ITPR1: variants seen among roughly 807,000 people sequenced by gnomAD.
ITPR1 encodes the protein inositol 1,4,5-trisphosphate-gated calcium channel ITPR1.
Under a neutral mutation model 318.4 loss-of-function variants are expected in ITPR1, and 96 were observed. The ratio of observed to expected loss-of-function variants is 0.30; its 90% confidence interval spans 0.26 to 0.36. The LOEUF is 0.36. Ranked by LOEUF, ITPR1 falls within the 10% of genes least tolerant of loss-of-function variation. The probability of loss-of-function intolerance (pLI) is 1.00; values close to 1 mark genes in which losing one functional copy is unlikely to be tolerated. For missense variants in ITPR1, 2,440 were observed against 3,460.2 expected, an observed-to-expected ratio of 0.71 and a Z score of 7.40; for synonymous variants, 1,312 against 1,289.9, an observed-to-expected ratio of 1.02 and a Z score of -0.37.
intron 12 of ITPR1, 52 bp from the exon 13 acceptor site, chr3:4,658,072 A>T: frequency 6.6e-7 from 1 of 1,516,484 alleles, no homozygotes; most frequent in Non-Finnish European, 9.0e-7. Context: ...AATTGTAGAA[A>T]GTGAAGGCTT....
intron 5 of ITPR1, 62 bp downstream of exon 5, chr3:4,627,940 G>A: frequency 1.0e-6 from 1 of 984,082 alleles, no homozygotes; most frequent in Non-Finnish European, 1.5e-6. Flanking sequence ...GTGGTATCTG[G>A]GTGTAATGGT....
At chr3:4,795,661 G>T (rs987748157) in intron 53 of ITPR1, among the ~76,000 whole-genome samples, 1 of 152,078 alleles carries the variant, frequency 6.6e-6, no homozygotes, top group Non-Finnish European at 1.5e-5. Context: ...TTTGCCAGGG[G>T]TCAGAGGGGA....
intron 49 of ITPR1, among the ~76,000 whole-genome samples, chr3:4,780,308 A>G (rs1490230459): frequency 6.6e-6 from 1 of 152,058 alleles, no homozygotes; most frequent in East Asian, 1.9e-4. Context: ...TGAAGAATTC[A>G]TGTCTCTTCT....
chr3:4,578,996 A>G (rs553244869), intron 4 of ITPR1, among the ~76,000 whole-genome samples: 3 of 152,268 alleles, frequency 2.0e-5, no homozygotes, highest in East Asian at 3.9e-4. Flanking sequence ...CCATTGACCC[A>G]TGTGATATTG....
Position 4,779,789 on chromosome 3 carries a change from C to A in ITPR1, c.6387+144C>A. 1 of 518,872 alleles carries A rather than the reference C, an allele frequency of 1.9e-6. No homozygotes were observed. Among genetic ancestry groups the A allele is most frequent in the Non-Finnish European group, 3.5e-6 (1 of 284,408 alleles). The allele number at this position is 518,872 out of a possible 1,614,324, so 32.1% of individuals were successfully genotyped here. A position where few individuals can be genotyped will look rare whatever the true frequency, so the allele number is the denominator to read the frequency against. ...GGGAACATTGAATTCAGGCCTCTGA[C>A]TGAGTAGAGAAGTGAAATATTTTGG... On this transcript the variant is annotated intron_variant, in intron 49 of 61. Transcript: ENST00000649015. The surrounding 1 kb of genome is among the most constrained non-coding windows in gnomAD (Gnocchi z 4.0).
chr3:4,772,009 G>C (rs767314754), intron 46 of ITPR1, among the ~76,000 whole-genome samples: 4 of 152,234 alleles, frequency 2.6e-5, no homozygotes, highest in Admixed American at 6.5e-5. Context: ...ATCTGGACCA[G>C]TGGTTCACAA....
At chr3:4,539,697 G>A (rs1575461098) in intron 4 of ITPR1, among the ~76,000 whole-genome samples, 1 of 152,204 alleles carries the variant, frequency 6.6e-6, no homozygotes, top group East Asian at 1.9e-4. Context: ...TGGATTTAAT[G>A]GGTTAATGGA....
intron 4 of ITPR1, among the ~76,000 whole-genome samples, chr3:4,564,163 G>T (rs2086976183): frequency 6.6e-6 from 1 of 152,022 alleles, no homozygotes; most frequent in Non-Finnish European, 1.5e-5. Context: ...CTGGTCTCGA[G>T]CTCCTGACCT....
rs140839540 is a variant in ITPR1 at position 4,603,402 on chromosome 3, ATTTTC to A, written c.164-24346_164-24342del. ...TCACTCCCTGGTCCATATGTACCAC[ATTTTC>A]TTTTCTTTTCTTTTTTATTTTTGGT... On this transcript the variant is annotated intron_variant, in intron 4 of 61. Transcript: ENST00000649015. Among the ~76,000 whole-genome samples, 5 of 151,542 alleles carry A rather than the reference ATTTTC, an allele frequency of 3.3e-5. No homozygotes were observed. The East Asian group carries it at 9.8e-4, about 30-fold the overall frequency.
chr3:4,722,074 C>T (rs973704897), intron 40 of ITPR1, among the ~76,000 whole-genome samples: 6 of 152,174 alleles, frequency 3.9e-5, no homozygotes. Flanking sequence ...TAATGAGGGC[C>T]TGATTCGTGG....
chr3:4,776,428 G>A (rs532270707), intron 47 of ITPR1, among the ~76,000 whole-genome samples: 11 of 152,266 alleles, frequency 7.2e-5, no homozygotes, highest in African/African-American at 2.4e-4. Flanking sequence ...GACGACCAAG[G>A]CTTCAAATGG....
rs528146447 is a variant in ITPR1 at position 4,735,106 on chromosome 3, G to A, written c.5354-58G>A. 3.6e-6 allele frequency: 5 copies of A among 1,371,514 alleles called. No homozygotes were observed. The East Asian group carries it at 9.2e-5, about 25-fold the overall frequency. The allele number at this position is 1,371,514 out of a possible 1,614,324, so 85.0% of individuals were successfully genotyped here. On this transcript the variant is annotated intron_variant, in intron 43 of 61. Transcript: ENST00000649015. Reference sequence around the variant, plus strand: ...TAAAGTGTTGGTGCGTAGTAAGTATGCAGCAAACATTAGCTGTTCTGATTG... The same window carrying A: ...TAAAGTGTTGGTGCGTAGTAAGTATACAGCAAACATTAGCTGTTCTGATTG...
chr3:4,836,957 G>A (rs749875358), intron 61 of ITPR1, 22 bp downstream of exon 61: 23 of 1,552,494 alleles, frequency 1.5e-5, no homozygotes, highest in Non-Finnish European at 1.8e-5. Flanking sequence ...AAATCCCAGC[G>A]CCTACCCTCC....
intron 40 of ITPR1, among the ~76,000 whole-genome samples, chr3:4,717,909 G>A (rs1257274154): frequency 6.6e-6 from 1 of 152,176 alleles, no homozygotes; most frequent in African/African-American, 2.4e-5. Flanking sequence ...GAATTCCTAC[G>A]TGCTAGTTGA....
rs559346776 is a variant in ITPR1 at position 4,777,448 on chromosome 3, A to G, written c.6291+74A>G. The G allele has an allele frequency of 3.6e-6, 3 of 830,284 alleles. No homozygotes were observed. In the South Asian group the frequency reaches 4.3e-5, roughly 12 times the overall value. 51.4% of individuals were successfully genotyped at this position (830,284 alleles called of 1,614,324 possible). The stretch of plus-strand genomic sequence containing the variant: ...TTGTGTTTTGCCTTGGCACATGCAC[A>G]TGGGCAATTAGTCATGAGAGTAAAT... On this transcript the variant is annotated intron_variant, in intron 48 of 61. Transcript: ENST00000649015.
chr3:4,737,686 G>A (rs904390806), intron 44 of ITPR1, among the ~76,000 whole-genome samples: 2 of 152,188 alleles, frequency 1.3e-5, no homozygotes, highest in African/African-American at 4.8e-5. Context: ...GTCCCAAGGA[G>A]GCAGTCTAAG....
intron 59 of ITPR1, among the ~76,000 whole-genome samples, chr3:4,815,943 C>T (rs1322578267): frequency 6.6e-6 from 1 of 151,892 alleles, no homozygotes; most frequent in East Asian, 1.9e-4. Flanking sequence ...ATATTCTTCA[C>T]CCAGAATCCC....
At chr3:4,515,147 T>C (rs1048109819) in intron 2 of ITPR1, among the ~76,000 whole-genome samples, 7 of 152,202 alleles carry the variant, frequency 4.6e-5, no homozygotes, top group African/African-American at 1.4e-4. Context: ...CAAATCAGCT[T>C]TTCCCTGCAG....
At chr3:4,688,674 G>A in intron 31 of ITPR1, 54 bp downstream of exon 31, 2 of 1,568,128 alleles carry the variant, frequency 1.3e-6, no homozygotes, top group Non-Finnish European at 1.7e-6. Flanking sequence ...CAGGGAAGAG[G>A]GAGGAGGAAC....
Sources: gnomAD v4.1 joint callset for allele counts (sites outside exome capture counted in the v4.1 genomes callset) on GRCh38, gnomAD v4.1.1 for gene constraint, Gnocchi (gnomAD v3.1) non-coding constraint, MANE v1.5 for transcripts, NCBI Gene and HGNC (gene_info 2026-07-23, HGNC 2026-07-21) for gene names.